Variants in TYW3 observed in about 807,000 individuals in gnomAD.
The protein encoded by TYW3 is tRNA wybutosine-synthesizing protein 3 homolog.
A neutral mutation model predicts 23.1 loss-of-function variants in TYW3; 26 were observed. The ratio of observed to expected loss-of-function variants is 1.13; its 90% confidence interval spans 0.83 to 1.56. The LOEUF is 1.56. Among genes scored for constraint, TYW3 ranks in the 40% most tolerant of loss-of-function variants. The pLI is 0.00. For missense variants in TYW3, 316 were observed against 311.9 expected (o/e 1.01, Z -0.10); for synonymous variants, 102 against 105.7 (o/e 0.97, Z 0.21).
At chr1:74,753,089 G>C (rs1359127397) in intron 5 of TYW3, among the ~76,000 whole-genome samples, 1 of 152,146 alleles carries the variant, frequency 6.6e-6, no homozygotes, top group East Asian at 1.9e-4. Flanking sequence ...ATATTATGCT[G>C]TCTTTCATAT....
intron 5 of TYW3, among the ~76,000 whole-genome samples, chr1:74,755,892 G>A (rs1303110232): frequency 1.3e-5 from 2 of 152,212 alleles, no homozygotes; most frequent in Non-Finnish European, 2.9e-5. Flanking sequence ...ATTTCCATGT[G>A]TTGTGAGAGG....
rs376484504 is a variant in TYW3 at position 74,733,318 on chromosome 1, G to A, written c.74G>A (p.Ser25Asn). Reference sequence around the variant, plus strand: ...AAAGCGGACCTCAGCCGGAAGGGCAGTGTTGACGAGGATGTGGTAGAGCTT... The same window carrying A: ...AAAGCGGACCTCAGCCGGAAGGGCAATGTTGACGAGGATGTGGTAGAGCTT... Reference protein sequence around the residue: ...LSKADLSRKGSVDEDVVELVQ... With the variant: ...LSKADLSRKGNVDEDVVELVQ... The change falls in exon 1 of 6, where the codon AGT becomes AAT. Residue 25 changes from serine (S) to asparagine (N), a missense_variant. Transcript: ENST00000370867. The A allele has an allele frequency of 3.1e-6, 5 of 1,614,254 alleles. No homozygotes were observed. The highest frequency in any genetic ancestry group is 4.2e-6 in the Non-Finnish European group (5 of 1,180,044).
chr1:74,747,611 T>A (rs1319309297), intron 3 of TYW3, among the ~76,000 whole-genome samples: 1 of 137,612 alleles, frequency 7.3e-6, no homozygotes. Flanking sequence ...CACTCCAGCC[T>A]GGGCGACAGA....
At chr1:74,753,144 T>G (rs758936386) in intron 5 of TYW3, among the ~76,000 whole-genome samples, 3 of 152,238 alleles carry the variant, frequency 2.0e-5, no homozygotes, top group Non-Finnish European at 4.4e-5. Flanking sequence ...ATGCACAGTT[T>G]TGAGTTATCC....
intron 5 of TYW3, among the ~76,000 whole-genome samples, chr1:74,758,515 T>C (rs1649025351): frequency 8.3e-6 from 1 of 119,914 alleles, no homozygotes; most frequent in Non-Finnish European, 1.7e-5. Context: ...TGGTTCTGAT[T>C]CTTATCGTCA....
chr1:74,739,634 C>A (rs1056567106), intron 3 of TYW3, among the ~76,000 whole-genome samples: 2 of 152,160 alleles, frequency 1.3e-5, no homozygotes, highest in African/African-American at 4.8e-5. Context: ...TCATTTAAGG[C>A]TTTGTAGACC....
intron 1 of TYW3, 149 bp downstream of exon 1, chr1:74,733,567 A>G: frequency 7.7e-6 from 11 of 1,435,114 alleles, no homozygotes; most frequent in Non-Finnish European, 1.0e-5. Context: ...AATTTAGGGG[A>G]TTAGATCAGT....
intron 5 of TYW3, among the ~76,000 whole-genome samples, chr1:74,760,536 C>T (rs1649106385): frequency 1.3e-5 from 2 of 152,126 alleles, no homozygotes; most frequent in South Asian, 4.1e-4. Flanking sequence ...GGCATTGGAT[C>T]TTATAACGGA....
chr1:74,766,516 CT>C lies in TYW3; in HGVS notation c.*2405del, dbSNP rs1299234968. The C allele has an allele frequency of 1.3e-5, 2 of 151,944 alleles. No individual in the cohort carries two copies. Among genetic ancestry groups the C allele is most frequent in the African/African-American group, 4.8e-5 (2 of 41,354 alleles). The allele number at this position is 151,944 out of a possible 1,614,324, so 9.4% of individuals were successfully genotyped here. A position where few individuals can be genotyped will look rare whatever the true frequency, so the allele number is the denominator to read the frequency against. ...ATGTTAAAAAAAATATATAAAAAAG[CT>C]TATAGAATAAGGATATAAAGAAATA... is the stretch of plus-strand genomic sequence containing the variant. On this transcript the variant is annotated 3_prime_UTR_variant, in exon 6 of 6. Transcript: ENST00000370867.
intron 5 of TYW3, among the ~76,000 whole-genome samples, chr1:74,758,995 A>C (rs1311698404): frequency 6.6e-6 from 1 of 152,216 alleles, no homozygotes; most frequent in Non-Finnish European, 1.5e-5. Context: ...AGGCAAAAAC[A>C]GTTTCTTGTT....
chr1:74,743,807 T>C (rs553039147), intron 3 of TYW3, among the ~76,000 whole-genome samples: 5 of 152,188 alleles, frequency 3.3e-5, no homozygotes, highest in Non-Finnish European at 7.3e-5. Context: ...GGGCTGCAGC[T>C]AAAGCCACAT....
At position 74,741,350 on chromosome 1, in the gene TYW3, G is replaced by A. The variant is rs892497163; in HGVS notation, c.354+2562G>A. ...ATGCAAGTCCTCCAATGGTTCGCAG[G>A]TGTATCGAGGCTGGTCTGGCTGATC... On this transcript the variant is annotated intron_variant, in intron 3 of 5. Coordinates refer to ENST00000370867, the MANE Select transcript of TYW3 (RefSeq NM_138467.3). 3.3e-5 allele frequency among the ~76,000 whole-genome samples: 5 copies of A among 152,110 alleles called. No homozygotes were observed. In the East Asian group the frequency reaches 9.7e-4, roughly 29 times the overall value.
intron 5 of TYW3, among the ~76,000 whole-genome samples, chr1:74,760,244 G>C (rs1391926477): frequency 3.3e-5 from 5 of 151,896 alleles, no homozygotes; most frequent in Non-Finnish European, 7.3e-5. Flanking sequence ...AGGGGTGGCA[G>C]AGGCAGAAGA....
chr1:74,740,201 G>T (rs1023573000), intron 3 of TYW3, among the ~76,000 whole-genome samples: 4 of 152,166 alleles, frequency 2.6e-5, no homozygotes, highest in African/African-American at 9.7e-5. Flanking sequence ...TGGGTTCGTG[G>T]TCTTGCTGAC....
At position 74,764,032 on chromosome 1, in the gene TYW3, TAAAG is replaced by T; in HGVS notation, c.704_707del (p.Glu235ValfsTer13). 1.2e-6 allele frequency: 2 copies of T among 1,613,292 alleles called. No individual in the cohort carries two copies. The highest frequency in any genetic ancestry group is 1.7e-6 in the Non-Finnish European group (2 of 1,179,618). ...AAAAAACACGTGCCCAGTGTATTACTAAAGAAAGTGATGAAGAACTTGAAAATGA... is the reference window on the plus strand; with the variant it reads ...AAAAAACACGTGCCCAGTGTATTACTAAAGTGATGAAGAACTTGAAAATGA... On this transcript the variant is annotated frameshift_variant, in exon 6 of 6. Coordinates refer to ENST00000370867, the MANE Select transcript of TYW3 (RefSeq NM_138467.3). LOFTEE classifies it low-confidence loss of function (END_TRUNC).
intron 4 of TYW3, 112 bp downstream of exon 4, chr1:74,748,934 C>A: frequency 2.0e-6 from 2 of 1,003,516 alleles, no homozygotes. Flanking sequence ...TCTTGCCATT[C>A]TCTTACTCAT....
At chr1:74,743,042 G>C (rs542227336) in intron 3 of TYW3, among the ~76,000 whole-genome samples, 8 of 152,300 alleles carry the variant, frequency 5.3e-5, no homozygotes, top group Non-Finnish European at 8.8e-5. Flanking sequence ...GAGTCCTGTT[G>C]TTGGGTCAGC....
intron 3 of TYW3, among the ~76,000 whole-genome samples, chr1:74,740,067 G>T (rs1648297610): frequency 2.0e-5 from 3 of 152,202 alleles, no homozygotes; most frequent in Admixed American, 2.0e-4. Context: ...GTGGGTTATT[G>T]GTCTCGCTGA....
At chr1:74,740,476 G>T (rs1486081244) in intron 3 of TYW3, among the ~76,000 whole-genome samples, 5 of 152,050 alleles carry the variant, frequency 3.3e-5, no homozygotes, top group Non-Finnish European at 5.9e-5. Flanking sequence ...GGCTCGGGTG[G>T]ACAGTTTTTA....
Sources: gnomAD v4.1 joint callset for allele counts (sites outside exome capture counted in the v4.1 genomes callset) on GRCh38, gnomAD v4.1.1 for gene constraint, MANE v1.5 for transcripts, NCBI Gene and HGNC (gene_info 2026-07-23, HGNC 2026-07-21) for gene names.